Variants in PDPK1 observed in about 807,000 individuals in gnomAD.
The protein encoded by PDPK1 is 3-phosphoinositide-dependent protein kinase 1.
A neutral mutation model predicts 39.8 loss-of-function variants in PDPK1; 7 were observed. The observed-to-expected ratio is 0.18, with a 90% CI of 0.10 to 0.33. The LOEUF is 0.33. Among genes scored for constraint, PDPK1 ranks in the 10% least tolerant of loss-of-function variants. PDPK1 has a pLI of 1.00. For synonymous variants in PDPK1, 118 were observed against 159.1 expected, an observed-to-expected ratio of 0.74 and a Z score of 1.95; for missense variants, 182 against 384.7, an observed-to-expected ratio of 0.47 and a Z score of 4.41.
Position 2,601,120 on chromosome 16 carries a change from C to G in PDPK1, c.*3353C>G, listed in dbSNP as rs573995032. On this transcript the variant is annotated 3_prime_UTR_variant, in exon 14 of 14. Transcript: ENST00000342085. ...ATCTTCTGATTTCTTACTTTTTTCC[C>G]CCTTAGATGCCTGGAAGTGGTATTT... 8.6e-6 allele frequency: 2 copies of G among 232,802 alleles called. No individual in the cohort carries two copies. Among genetic ancestry groups the G allele is most frequent in the Non-Finnish European group, 1.7e-5 (2 of 117,888 alleles). The allele number at this position is 232,802 out of a possible 1,614,324, so 14.4% of individuals were successfully genotyped here. A position where few individuals can be genotyped will look rare whatever the true frequency, so the allele number is the denominator to read the frequency against.
In PDPK1 at chr16:2,599,201, T is replaced by A. The variant is rs1373747091; in HGVS notation, c.*1434T>A. ...CTTCTCTCCCTGCCCAGGTTGTCCC[T>A]GGAGGGCAGCCCTCACTCCCTTTGG... On this transcript the variant is annotated 3_prime_UTR_variant, in exon 14 of 14. Transcript: ENST00000342085. 8.6e-6 allele frequency: 2 copies of A among 233,274 alleles called. No homozygotes were observed. The highest frequency in any genetic ancestry group is 8.5e-6 in the Non-Finnish European group (1 of 118,118). 14.5% of individuals were successfully genotyped at this position (233,274 alleles called of 1,614,324 possible).
chr16:2,586,000 C>T (rs940570477), intron 10 of PDPK1, among the ~76,000 whole-genome samples: 36 of 152,306 alleles, frequency 2.4e-4, no homozygotes, highest in Non-Finnish European at 1.9e-4. Context: ...CCCAGGGACT[C>T]TCTGGCCTTG....
Position 2,593,274 on chromosome 16 carries a change from T to G in PDPK1, c.1344-2519T>G, listed in dbSNP as rs1187252626. 1.9e-5 allele frequency: 7 copies of G among 359,478 alleles called. No homozygotes were observed. The highest frequency in any genetic ancestry group is 2.0e-3 in the Middle Eastern group (2 of 1,002). 22.3% of individuals were successfully genotyped at this position (359,478 alleles called of 1,614,324 possible). A position where few individuals can be genotyped will look rare whatever the true frequency, so the allele number is the denominator to read the frequency against. Reference sequence around the variant, plus strand: ...GAATTTTTAGTTTGTGTCATTTTGTTGAGTTTTCTGTTGGGTTCCAAGCCT... The same window carrying G: ...GAATTTTTAGTTTGTGTCATTTTGTGGAGTTTTCTGTTGGGTTCCAAGCCT... On this transcript the variant is annotated intron_variant, in intron 11 of 13. Coordinates refer to ENST00000342085, the MANE Select transcript of PDPK1 (RefSeq NM_002613.5). This position sits in a 1 kb window ranked among gnomAD's most constrained non-coding sequence, Gnocchi z 4.2.
At chr16:2,541,253 G>A (rs149781036) in intron 1 of PDPK1, among the ~76,000 whole-genome samples, 1 of 152,262 alleles carries the variant, frequency 6.6e-6, no homozygotes, top group East Asian at 1.9e-4. Flanking sequence ...GCACAGTTTT[G>A]GGGAGAAACA....
intron 11 of PDPK1, among the ~76,000 whole-genome samples, chr16:2,589,326 C>T (rs372150370): frequency 1.3e-5 from 2 of 152,272 alleles, no homozygotes; most frequent in South Asian, 2.1e-4. Flanking sequence ...TTTATACCTG[C>T]TATAGCCTCT....
rs2066170386 is a variant in PDPK1 at position 2,538,110 on chromosome 16, C to A, written c.-3C>A. ...GGGAGGCGCCCGCGCCGACGCGGGG[C>A]CCATGGCCAGGACCACCAGCCAGCT... On this transcript the variant is annotated 5_prime_UTR_variant, in exon 1 of 14. Coordinates refer to ENST00000342085, the MANE Select transcript of PDPK1 (RefSeq NM_002613.5). 9.4e-7 allele frequency: 1 copy of A among 1,064,224 alleles called. No homozygotes were observed. Among genetic ancestry groups the A allele is most frequent in the Non-Finnish European group, 1.1e-6 (1 of 879,984 alleles). 65.9% of individuals were successfully genotyped at this position (1,064,224 alleles called of 1,614,324 possible).
chr16:2,540,412 G>A (rs12929793), intron 1 of PDPK1, among the ~76,000 whole-genome samples: 427 of 151,888 alleles, frequency 2.8e-3, no homozygotes, highest in African/African-American at 6.7e-3. Context: ...CCCATTTTAC[G>A]GGTGCAGAAG....
chr16:2,598,932 G>A lies in PDPK1; in HGVS notation c.*1165G>A, dbSNP rs74003037. On this transcript the variant is annotated 3_prime_UTR_variant, in exon 14 of 14. Coordinates refer to ENST00000342085, the MANE Select transcript of PDPK1 (RefSeq NM_002613.5). Reference sequence around the variant, plus strand: ...AATCTCACAGCCTTCTCATGCTGCCGGCTCATCTGGGCCCATAGAGTGGGC... The same window carrying A: ...AATCTCACAGCCTTCTCATGCTGCCAGCTCATCTGGGCCCATAGAGTGGGC... 549 of 233,292 alleles carry A rather than the reference G, an allele frequency of 2.4e-3. 5 individuals carry two copies. The highest frequency in any genetic ancestry group is 0.011 in the African/African-American group (517 of 45,444). The allele number at this position is 233,292 out of a possible 1,614,324, so 14.5% of individuals were successfully genotyped here.
Position 2,596,474 on chromosome 16 carries a change from G to A in PDPK1, c.1401+624G>A, listed in dbSNP as rs1019065107. On this transcript the variant is annotated intron_variant, in intron 12 of 13. Transcript: ENST00000342085. ...CTTCCAAAGTGCTGGGATTACAGGC[G>A]TGAGCCACGGCGCCCGGCCGGGTTG... is the stretch of plus-strand genomic sequence containing the variant. Among the ~76,000 whole-genome samples the A allele has an allele frequency of 4.6e-5, 7 of 152,336 alleles. No homozygotes were observed. In the South Asian group the frequency reaches 8.3e-4, roughly 18 times the overall value.
chr16:2,593,488 C>T lies in PDPK1; in HGVS notation c.1344-2305C>T, dbSNP rs2067034608. On this transcript the variant is annotated intron_variant, in intron 11 of 13. Coordinates refer to ENST00000342085, the MANE Select transcript of PDPK1 (RefSeq NM_002613.5). This position sits in a 1 kb window ranked among gnomAD's most constrained non-coding sequence, Gnocchi z 4.2. ...GCTCTCAGCCAGGAAGGCGGCCCCTCCCACACAGGTTGCAGGGATGGGCTG... is the reference window on the plus strand; with the variant it reads ...GCTCTCAGCCAGGAAGGCGGCCCCTTCCACACAGGTTGCAGGGATGGGCTG... 1 of 217,226 alleles carries T rather than the reference C, an allele frequency of 4.6e-6. No homozygotes were observed. Among genetic ancestry groups the T allele is most frequent in the Non-Finnish European group, 9.3e-6 (1 of 107,952 alleles). 13.5% of individuals were successfully genotyped at this position (217,226 alleles called of 1,614,324 possible).
At chr16:2,586,592 C>T (rs2066880069) in intron 10 of PDPK1, 84 bp from the exon 11 acceptor site, 1 of 1,209,254 alleles carries the variant, frequency 8.3e-7, no homozygotes, top group Non-Finnish European at 1.2e-6. Context: ...CAAGGCCTGA[C>T]AGCGGCAGTG....
chr16:2,590,575 C>T (rs1458713859), intron 11 of PDPK1, among the ~76,000 whole-genome samples: 2 of 152,076 alleles, frequency 1.3e-5, no homozygotes, highest in African/African-American at 4.8e-5. Context: ...CCTCGCGGAG[C>T]GTCTGGCTGA....
chr16:2,551,962 G>A (rs1241579365), intron 1 of PDPK1, among the ~76,000 whole-genome samples: 2 of 149,866 alleles, frequency 1.3e-5, no homozygotes, highest in Admixed American at 6.8e-5. Context: ...CACTGTGCCC[G>A]GCAAAGAGAG....
chr16:2,578,163 G>A (rs1434833019), intron 7 of PDPK1, among the ~76,000 whole-genome samples: 1 of 147,990 alleles, frequency 6.8e-6, no homozygotes, highest in East Asian at 2.0e-4. Context: ...CGGGTTGCTC[G>A]GCCACACACC....
rs1443635943 is a variant in PDPK1 at position 2,598,848 on chromosome 16, T to C, written c.*1081T>C. Reference sequence around the variant, plus strand: ...AGACACCACCGTCACACACGCCCCTTTTGTGTTTTGGTTCAAGTTTCTCAG... The same window carrying C: ...AGACACCACCGTCACACACGCCCCTCTTGTGTTTTGGTTCAAGTTTCTCAG... On this transcript the variant is annotated 3_prime_UTR_variant, in exon 14 of 14. Coordinates refer to ENST00000342085, the MANE Select transcript of PDPK1 (RefSeq NM_002613.5). 4.3e-6 allele frequency: 1 copy of C among 232,730 alleles called. No homozygotes were observed. Among genetic ancestry groups the C allele is most frequent in the Non-Finnish European group, 8.5e-6 (1 of 117,862 alleles). 14.4% of individuals were successfully genotyped at this position (232,730 alleles called of 1,614,324 possible).
intron 11 of PDPK1, among the ~76,000 whole-genome samples, chr16:2,591,317 G>A (rs2066985823): frequency 6.6e-6 from 1 of 152,146 alleles, no homozygotes; most frequent in Non-Finnish European, 1.5e-5. Flanking sequence ...GTCAACGTTT[G>A]GAAGCTTTAC....
chr16:2,585,854 G>A (rs1442870867), intron 10 of PDPK1, among the ~76,000 whole-genome samples: 1 of 152,244 alleles, frequency 6.6e-6, no homozygotes, highest in African/African-American at 2.4e-5. Context: ...GCCTGCGTCT[G>A]GAGGCACGGA....
Position 2,595,610 on chromosome 16 carries a change from C to G in PDPK1, c.1344-183C>G, listed in dbSNP as rs139815272. On this transcript the variant is annotated intron_variant, in intron 11 of 13. Transcript: ENST00000342085. Reference sequence around the variant, plus strand: ...TCCGTTGCAAATACGGATTAAGGCTCTCTGCGTGGCAGTGCTGTATGTGCT... The same window carrying G: ...TCCGTTGCAAATACGGATTAAGGCTGTCTGCGTGGCAGTGCTGTATGTGCT... Among the ~76,000 whole-genome samples, 531 of 152,298 alleles carry G rather than the reference C, an allele frequency of 3.5e-3. 1 individual carries two copies. Among genetic ancestry groups the G allele is most frequent in the Admixed American group, 5.0e-3 (77 of 15,298 alleles).
At position 2,602,816 on chromosome 16, in the gene PDPK1, C is replaced by T; in HGVS notation, c.*5049C>T. On this transcript the variant is annotated 3_prime_UTR_variant, in exon 14 of 14. Coordinates refer to ENST00000342085, the MANE Select transcript of PDPK1 (RefSeq NM_002613.5). ...ACTTATGAAAACAAATGCAATGATACTAGGATATACACTTTTGTATTTTTA... is the reference window on the plus strand; with the variant it reads ...ACTTATGAAAACAAATGCAATGATATTAGGATATACACTTTTGTATTTTTA... 4.3e-6 allele frequency: 1 copy of T among 234,188 alleles called. No homozygotes were observed. Among genetic ancestry groups the T allele is most frequent in the Non-Finnish European group, 8.5e-6 (1 of 117,812 alleles). The allele number at this position is 234,188 out of a possible 1,614,324, so 14.5% of individuals were successfully genotyped here. A position where few individuals can be genotyped will look rare whatever the true frequency, so the allele number is the denominator to read the frequency against.
Sources: allele counts gnomAD v4.1 joint callset (sites outside exome capture counted in the v4.1 genomes callset), GRCh38; gene constraint gnomAD v4.1.1; non-coding constraint Gnocchi (gnomAD v3.1); transcripts MANE v1.5; gene names NCBI Gene and HGNC (gene_info 2026-07-23, HGNC 2026-07-21).